The following DMD variants were observed in gnomAD, a reference collection of about 807,000 sequenced individuals.
DMD encodes the protein mutant dystrophin.
Under a neutral mutation model 330.1 loss-of-function variants are expected in DMD, and 63 were observed. That is an observed-to-expected ratio of 0.19 (90% CI 0.16 to 0.24). DMD has a LOEUF of 0.24. DMD is among the 10% of genes least tolerant of loss of function. The pLI, the probability that DMD is intolerant of heterozygous loss-of-function variation, is 1.00. For synonymous variants in DMD, 1,223 were observed against 959.8 expected, an observed-to-expected ratio of 1.27 and a Z score of -5.07; for missense variants, 3,344 against 2,684.1, an observed-to-expected ratio of 1.25 and a Z score of -5.43.
At chrX:33,136,747 G>T (rs2095530093) in intron 1 of DMD, among the ~76,000 whole-genome samples, 1 of 110,434 alleles carries the variant, frequency 9.1e-6, no homozygotes, top group Admixed American at 9.8e-5. Flanking sequence ...TTTGATCTTG[G>T]ATTTCCTGGG....
At chrX:32,321,025 G>C (rs1243645250) in intron 41 of DMD, among the ~76,000 whole-genome samples, 1 of 111,664 alleles carries the variant, frequency 9.0e-6, no homozygotes, top group Non-Finnish European at 1.9e-5. Context: ...GCCTAAATCT[G>C]TAAGTAATCT....
chrX:33,054,529 C>G (rs992758573), intron 1 of DMD, among the ~76,000 whole-genome samples: 2 of 112,145 alleles, frequency 1.8e-5, no homozygotes, highest in Admixed American at 9.5e-5. Flanking sequence ...CATCGAGGAC[C>G]ATGAAAATAC....
At chrX:31,755,973 G>A (rs1334621611) in intron 51 of DMD, among the ~76,000 whole-genome samples, 12 of 111,895 alleles carry the variant, frequency 1.1e-4, no homozygotes, top group African/African-American at 3.6e-4. Context: ...ATCGTCTTAT[G>A]AGTTATGCAT....
chrX:31,827,435 C>T (rs1448238658), intron 49 of DMD, among the ~76,000 whole-genome samples: 3 of 111,921 alleles, frequency 2.7e-5, no homozygotes, highest in Non-Finnish European at 3.8e-5. Flanking sequence ...AACAATAGTA[C>T]TAGACCTAAG....
chrX:32,431,022 T>C (rs1479883464), intron 29 of DMD, among the ~76,000 whole-genome samples: 1 of 112,117 alleles, frequency 8.9e-6, no homozygotes, highest in African/African-American at 3.2e-5. Context: ...CAATAAACAA[T>C]AGAGTGCAGA....
chrX:31,172,469 A>C, intron 72 of DMD, 56 bp from the exon 73 acceptor site: 1 of 887,453 alleles, frequency 1.1e-6, no homozygotes. Flanking sequence ...GAATCTATTC[A>C]AGACCTAATC....
At chrX:33,124,082 C>T (rs1327401548) in intron 1 of DMD, among the ~76,000 whole-genome samples, 2 of 110,343 alleles carry the variant, frequency 1.8e-5, no homozygotes, top group African/African-American at 6.6e-5. Context: ...AGAAGAATTG[C>T]TTGAACCCAG....
At chrX:32,443,131 C>A (rs1323088032) in intron 27 of DMD, among the ~76,000 whole-genome samples, 10 of 110,760 alleles carry the variant, frequency 9.0e-5, no homozygotes, top group African/African-American at 3.3e-4. Flanking sequence ...ATGCAGCAAT[C>A]ATCACCACTT....
intron 44 of DMD, among the ~76,000 whole-genome samples, chrX:32,108,850 G>A (rs184701804): frequency 3.6e-5 from 4 of 111,451 alleles, no homozygotes; most frequent in African/African-American, 1.3e-4. Context: ...AGAATACACT[G>A]CATGTTGTGA....
At chrX:31,284,137 T>C (rs1271995643) in intron 62 of DMD, among the ~76,000 whole-genome samples, 1 of 112,062 alleles carries the variant, frequency 8.9e-6, no homozygotes, top group African/African-American at 3.2e-5. Flanking sequence ...ATGTAATTTA[T>C]TGAATACTGT....
chrX:32,098,198 A>G (rs1450805391), intron 44 of DMD, among the ~76,000 whole-genome samples: 1 of 111,726 alleles, frequency 9.0e-6, no homozygotes, highest in African/African-American at 3.2e-5. Flanking sequence ...ATGTATATAC[A>G]TGTAAATGCA....
At chrX:32,736,209 C>T (rs1363887202) in intron 7 of DMD, among the ~76,000 whole-genome samples, 24 of 111,854 alleles carry the variant, frequency 2.1e-4, no homozygotes, top group African/African-American at 6.8e-4. Context: ...ATCAAAACCA[C>T]AATGAGATAC....
chrX:32,886,439 T>G (rs916439450), intron 2 of DMD, among the ~76,000 whole-genome samples: 1 of 111,127 alleles, frequency 9.0e-6, no homozygotes, highest in Non-Finnish European at 1.9e-5. Context: ...ATCCCAGCAC[T>G]TTGGGAGGCC....
intron 2 of DMD, among the ~76,000 whole-genome samples, chrX:32,871,939 G>C (rs1358870338): frequency 3.6e-5 from 4 of 110,881 alleles, no homozygotes; most frequent in African/African-American, 9.8e-5. Context: ...GCATGAATGA[G>C]TCAGGTGTCA....
chrX:32,801,275 G>C (rs759211876), intron 7 of DMD, among the ~76,000 whole-genome samples: 22 of 111,982 alleles, frequency 2.0e-4, no homozygotes, highest in African/African-American at 6.8e-4. Context: ...CTAATGACCA[G>C]TGATGATGAA....
At chrX:32,772,789 A>G (rs1366247157) in intron 7 of DMD, among the ~76,000 whole-genome samples, 1 of 111,757 alleles carries the variant, frequency 8.9e-6, no homozygotes, top group Non-Finnish European at 1.9e-5. Flanking sequence ...TCCCCCCTAT[A>G]TCAAGCAAGA....
At chrX:32,813,644 C>T (rs897864920) in intron 6 of DMD, among the ~76,000 whole-genome samples, 1 of 111,549 alleles carries the variant, frequency 9.0e-6, no homozygotes, top group Non-Finnish European at 1.9e-5. Flanking sequence ...TTTCAATTTA[C>T]AGACTCAAGC....
intron 45 of DMD, among the ~76,000 whole-genome samples, chrX:31,946,152 T>G (rs2095083690): frequency 8.9e-6 from 1 of 112,143 alleles, no homozygotes; most frequent in South Asian, 3.7e-4. Flanking sequence ...GGATCTTACT[T>G]AGATTGAAAA....
At chrX:32,723,915 G>A in intron 7 of DMD, among the ~76,000 whole-genome samples, 1 of 110,491 alleles carries the variant, frequency 9.1e-6, no homozygotes. Flanking sequence ...AATGTTTTAA[G>A]AAAGTGGGTG....
Sources: allele counts gnomAD v4.1 joint callset (sites outside exome capture counted in the v4.1 genomes callset), GRCh38; gene constraint gnomAD v4.1.1; transcripts MANE v1.5; gene names NCBI Gene and HGNC (gene_info 2026-07-23, HGNC 2026-07-21).